The following GSTCD variants were observed in gnomAD, a reference collection of about 807,000 sequenced individuals.
GSTCD encodes glutathione S-transferase C-terminal domain-containing protein.
In GSTCD, 44 loss-of-function variants were observed where a neutral mutation model predicts 68.3. That is an observed-to-expected ratio of 0.64 (90% CI 0.51 to 0.83). The LOEUF is 0.83. GSTCD is among the 40% of genes least tolerant of loss of function. The probability of loss-of-function intolerance (pLI) is 0.00; values close to 1 mark genes in which losing one functional copy is unlikely to be tolerated. For missense variants in GSTCD, 739 were observed against 735.9 expected (o/e 1.00, Z -0.05); for synonymous variants, 273 against 255.2 (o/e 1.07, Z -0.67).
intron 9 of GSTCD, 21 bp downstream of exon 9, chr4:105,834,615 C>T: frequency 6.2e-7 from 1 of 1,609,624 alleles, no homozygotes; most frequent in Non-Finnish European, 8.5e-7. Context: ...CAGTGTTCTA[C>T]ATAAGACACC....
At position 105,719,437 on chromosome 4, in the gene GSTCD, C is replaced by T. The variant is rs369381325; in HGVS notation, c.804C>T (p.Ser268=). 49 of 1,613,924 alleles carry T rather than the reference C, an allele frequency of 3.0e-5. No individual in the cohort carries two copies. The highest frequency in any genetic ancestry group is 3.9e-5 in the Non-Finnish European group (46 of 1,179,960). Residue 268 remains serine (S), a synonymous_variant, in exon 3 of 12, where the codon TCC becomes TCT. Transcript: ENST00000515279. ...EPSHIRKAKA[S]DLPPLEHVFA... Reference sequence around the variant, plus strand: ...CTCACATCAGAAAAGCAAAAGCCTCCGACCTTCCACCTCTGGAGCATGTGT... The same window carrying T: ...CTCACATCAGAAAAGCAAAAGCCTCTGACCTTCCACCTCTGGAGCATGTGT...
At chr4:105,746,697 T>A (rs975231341) in intron 5 of GSTCD, among the ~76,000 whole-genome samples, 1 of 152,166 alleles carries the variant, frequency 6.6e-6, no homozygotes, top group Non-Finnish European at 1.5e-5. Flanking sequence ...TGTGTAGTTA[T>A]TATTGTTGAC....
At chr4:105,726,953 C>T (rs1437026146) in intron 4 of GSTCD, 123 bp downstream of exon 4, 1 of 736,556 alleles carries the variant, frequency 1.4e-6, no homozygotes, top group African/African-American at 1.8e-5. Context: ...TAGCTTTCTT[C>T]ACTCTTTACC....
intron 8 of GSTCD, among the ~76,000 whole-genome samples, chr4:105,829,705 C>G (rs1422666385): frequency 1.3e-5 from 2 of 151,974 alleles, no homozygotes; most frequent in African/African-American, 4.8e-5. Flanking sequence ...AGCTACAATT[C>G]AAGATGAGAT....
chr4:105,756,702 G>A (rs1400954354), intron 5 of GSTCD, among the ~76,000 whole-genome samples: 1 of 151,852 alleles, frequency 6.6e-6, no homozygotes, highest in African/African-American at 2.4e-5. Flanking sequence ...AACCTTCAAA[G>A]CAGAGAGCAG....
At chr4:105,783,976 C>T (rs1735373200) in intron 5 of GSTCD, among the ~76,000 whole-genome samples, 1 of 152,148 alleles carries the variant, frequency 6.6e-6, no homozygotes, top group Non-Finnish European at 1.5e-5. Context: ...AGGAATACTA[C>T]AGAAGTGATG....
chr4:105,842,226 C>A (rs769261261), intron 11 of GSTCD, 92 bp downstream of exon 11: 15 of 928,896 alleles, frequency 1.6e-5, no homozygotes, highest in Non-Finnish European at 2.2e-5. Flanking sequence ...AATTTAGCAA[C>A]ATGAAGTCTA....
intron 5 of GSTCD, among the ~76,000 whole-genome samples, chr4:105,754,005 G>A (rs1734096937): frequency 1.3e-5 from 2 of 151,902 alleles, no homozygotes; most frequent in Non-Finnish European, 2.9e-5. Context: ...GAGTTGGAGG[G>A]AAAACTAATG....
At chr4:105,804,785 A>G (rs1722412154) in intron 5 of GSTCD, among the ~76,000 whole-genome samples, 1 of 151,912 alleles carries the variant, frequency 6.6e-6, no homozygotes, top group African/African-American at 2.4e-5. Context: ...ATTTTTCCTG[A>G]TGCTCTCCAC....
intron 5 of GSTCD, among the ~76,000 whole-genome samples, chr4:105,805,008 T>C (rs994865926): frequency 5.3e-5 from 8 of 152,136 alleles, no homozygotes; most frequent in African/African-American, 1.7e-4. Flanking sequence ...AAAATACTGA[T>C]TTTATTTCTC....
At chr4:105,835,113 G>A (rs894022445) in intron 9 of GSTCD, among the ~76,000 whole-genome samples, 3 of 152,172 alleles carry the variant, frequency 2.0e-5, no homozygotes, top group African/African-American at 7.2e-5. Flanking sequence ...TTTAGAAGTG[G>A]CAAGAATAAG....
intron 11 of GSTCD, 117 bp downstream of exon 11, chr4:105,842,251 A>G: frequency 1.4e-6 from 1 of 714,568 alleles, no homozygotes; most frequent in Non-Finnish European, 2.4e-6. Context: ...TCAATGAGAA[A>G]CTAAATATGT....
chr4:105,823,237 G>A lies in GSTCD; in HGVS notation c.1363G>A (p.Val455Ile). 6.2e-7 allele frequency: 1 copy of A among 1,613,872 alleles called. No individual in the cohort carries two copies. Among genetic ancestry groups the A allele is most frequent in the Middle Eastern group, 1.6e-4 (1 of 6,062 alleles). Residue 455 changes from valine (V) to isoleucine (I), a missense_variant, in exon 7 of 12, where the codon GTT (valine) becomes ATT (isoleucine). By Grantham distance (29) the Val-to-Ile change is conservative. Transcript: ENST00000515279. Reference protein sequence around the residue: ...IVDFCSGGGHVGIVLAHMLPS... With the variant: ...IVDFCSGGGHIGIVLAHMLPS... ...GTCTTACTGACTTTTTCAGGGCCAT[G>A]TTGGAATTGTCCTTGCTCACATGCT...
At chr4:105,728,417 T>G (rs1023375003) in intron 4 of GSTCD, among the ~76,000 whole-genome samples, 1 of 151,978 alleles carries the variant, frequency 6.6e-6, no homozygotes, top group Non-Finnish European at 1.5e-5. Flanking sequence ...AGAAGAGAGG[T>G]AGATGATGTC....
intron 2 of GSTCD, among the ~76,000 whole-genome samples, chr4:105,718,406 G>T (rs1168378332): frequency 6.6e-6 from 1 of 152,014 alleles, no homozygotes; most frequent in African/African-American, 2.4e-5. Flanking sequence ...GCTCTCTCTT[G>T]CACCCTCTCT....
intron 3 of GSTCD, 46 bp from the exon 4 acceptor site, chr4:105,726,533 T>G: frequency 7.7e-7 from 1 of 1,292,212 alleles, no homozygotes; most frequent in Admixed American, 2.6e-5. Context: ...ACAGCTATTA[T>G]AAACAAAATA....
intron 5 of GSTCD, among the ~76,000 whole-genome samples, chr4:105,743,198 C>G (rs930643831): frequency 2.0e-5 from 3 of 152,038 alleles, no homozygotes; most frequent in East Asian, 3.8e-4. Context: ...GATCTGCCCC[C>G]CTTGGCCTCC....
chr4:105,719,269 T>C lies in GSTCD; in HGVS notation c.636T>C (p.Leu212=). The C allele has an allele frequency of 1.2e-6, 2 of 1,614,036 alleles. No individual in the cohort carries two copies. Among genetic ancestry groups the C allele is most frequent in the Non-Finnish European group, 1.7e-6 (2 of 1,179,954 alleles). The change falls in exon 3 of 12, where the codon CTT becomes CTC. Residue 212 remains leucine (L), a synonymous_variant. Transcript: ENST00000515279. The part of the protein sequence containing the change: ...QQKADGVGPP[L]TKGKAKSKVH... Reference sequence around the variant, plus strand: ...AGGCTGATGGAGTTGGGCCTCCCCTTACTAAGGGAAAGGCAAAGAGCAAGG... The same window carrying C: ...AGGCTGATGGAGTTGGGCCTCCCCTCACTAAGGGAAAGGCAAAGAGCAAGG...
intron 5 of GSTCD, among the ~76,000 whole-genome samples, chr4:105,780,243 G>A (rs1273445076): frequency 1.3e-5 from 2 of 152,220 alleles, no homozygotes; most frequent in East Asian, 1.9e-4. Flanking sequence ...ATGATGAAGT[G>A]TGAAATTGAT....
Sources: gnomAD v4.1 joint callset for allele counts (sites outside exome capture counted in the v4.1 genomes callset) on GRCh38, gnomAD v4.1.1 for gene constraint, MANE v1.5 for transcripts, NCBI Gene and HGNC (gene_info 2026-07-23, HGNC 2026-07-21) for gene names.